The following MTF2 variants were observed in gnomAD, a reference collection of about 807,000 sequenced individuals.
MTF2 encodes metal-response element-binding transcription factor 2.
MTF2 carries 11 observed loss-of-function variants against 79.5 expected under a neutral mutation model. The observed-to-expected ratio is 0.14, with a 90% CI of 0.09 to 0.23. The LOEUF (loss-of-function observed/expected upper bound fraction) is 0.23. MTF2 is among the 10% of genes least tolerant of loss of function. MTF2 has a pLI of 1.00. For synonymous variants in MTF2, 208 were observed against 232.8 expected, an observed-to-expected ratio of 0.89 and a Z score of 0.97; for missense variants, 486 against 711.2, an observed-to-expected ratio of 0.68 and a Z score of 3.60.
rs1557553226 is a variant in MTF2, at chr1:93,115,093, A to G, written c.483+5A>G. On this transcript the variant is annotated splice_donor_5th_base_variant and intron_variant, in intron 5 of 14. Transcript: ENST00000370298. Reference sequence around the variant, plus strand: ...GTTTTTGCAACAACAACAAAGGTATATTTTAAGTGTTTTGGGCTAAAGCTC... The same window carrying G: ...GTTTTTGCAACAACAACAAAGGTATGTTTTAAGTGTTTTGGGCTAAAGCTC... 6.3e-7 allele frequency: 1 copy of G among 1,580,740 alleles called. No homozygotes were observed. The highest frequency in any genetic ancestry group is 8.7e-7 in the Non-Finnish European group (1 of 1,151,476).
In MTF2 at chr1:93,133,758, C is replaced by T; in HGVS notation, c.1216C>T (p.Pro406Ser). 6.2e-7 allele frequency: 1 copy of T among 1,612,650 alleles called. No homozygotes were observed. Among genetic ancestry groups the T allele is most frequent in the African/African-American group, 1.3e-5 (1 of 74,970 alleles). The change falls in exon 12 of 15, where the codon CCT (proline) becomes TCT (serine). Residue 406 changes from proline to serine, a missense_variant. This residue lies in a region of MTF2 where 209 missense variants were observed against 206.5 expected (regional missense o/e 1.01). Coordinates refer to ENST00000370298, the MANE Select transcript of MTF2 (RefSeq NM_007358.4). ...KGKKKSVGRP[P>S]GPYTRKMIQK... ...AAAGAAAAAATCTGTAGGTCGTCCA[C>T]CTGGCCCATATACAAGAAAAATGAT...
At chr1:93,124,208 A>G (rs929277753) in intron 9 of MTF2, among the ~76,000 whole-genome samples, 4 of 152,028 alleles carry the variant, frequency 2.6e-5, no homozygotes, top group Non-Finnish European at 4.4e-5. Flanking sequence ...TGATTATCAT[A>G]TAGATTGAGT....
At chr1:93,094,755 C>G (rs1655212425) in intron 1 of MTF2, among the ~76,000 whole-genome samples, 1 of 152,140 alleles carries the variant, frequency 6.6e-6, no homozygotes, top group Non-Finnish European at 1.5e-5. Context: ...GTTTCTCTTG[C>G]TGTGCTCTTA....
intron 11 of MTF2, among the ~76,000 whole-genome samples, chr1:93,131,155 T>C (rs1181451255): frequency 1.3e-5 from 2 of 151,944 alleles, no homozygotes; most frequent in Non-Finnish European, 2.9e-5. Context: ...TGTCCTGATA[T>C]CATTTATAAA....
intron 10 of MTF2, 73 bp downstream of exon 10, chr1:93,127,372 A>G: frequency 1.0e-6 from 1 of 986,364 alleles, no homozygotes; most frequent in Non-Finnish European, 1.6e-6. Context: ...GCATTGTTTA[A>G]GAATTGTGGG....
intron 1 of MTF2, among the ~76,000 whole-genome samples, chr1:93,105,862 G>A (rs1268829351): frequency 6.6e-6 from 1 of 152,134 alleles, no homozygotes; most frequent in Non-Finnish European, 1.5e-5. Flanking sequence ...TTTAAGTAGA[G>A]ACGTGGTTTG....
chr1:93,096,388 A>G (rs1655287558), intron 1 of MTF2, among the ~76,000 whole-genome samples: 1 of 152,148 alleles, frequency 6.6e-6, no homozygotes, highest in Non-Finnish European at 1.5e-5. Flanking sequence ...TCACTTCCAA[A>G]CCAGATTTTC....
chr1:93,111,340 C>T (rs1299787863), intron 3 of MTF2, among the ~76,000 whole-genome samples: 2 of 152,054 alleles, frequency 1.3e-5, no homozygotes, highest in African/African-American at 4.8e-5. Flanking sequence ...TTTCCTTTTG[C>T]TGGGTTAATA....
intron 9 of MTF2, among the ~76,000 whole-genome samples, chr1:93,125,628 A>C (rs542451201): frequency 6.6e-6 from 1 of 151,964 alleles, no homozygotes; most frequent in Non-Finnish European, 1.5e-5. Flanking sequence ...TTAGCCATAA[A>C]CACAAACAGT....
intron 1 of MTF2, among the ~76,000 whole-genome samples, chr1:93,107,854 C>A (rs1188714288): frequency 6.6e-6 from 1 of 152,136 alleles, no homozygotes; most frequent in Non-Finnish European, 1.5e-5. Context: ...AATCACAGCT[C>A]ACTGCAGTCT....
At chr1:93,105,100 C>T (rs1047527717) in intron 1 of MTF2, among the ~76,000 whole-genome samples, 25 of 147,858 alleles carry the variant, frequency 1.7e-4, no homozygotes, top group South Asian at 6.4e-4. Context: ...GCCGAGATAG[C>T]GCCACTGCAC....
chr1:93,116,325 G>T (rs529676473), intron 6 of MTF2, among the ~76,000 whole-genome samples: 1 of 152,108 alleles, frequency 6.6e-6, no homozygotes, highest in African/African-American at 2.4e-5. Context: ...GCCTGGAGTA[G>T]CATTTTTATT....
At chr1:93,103,111 G>A (rs1464464534) in intron 1 of MTF2, among the ~76,000 whole-genome samples, 2 of 151,536 alleles carry the variant, frequency 1.3e-5, no homozygotes, top group African/African-American at 4.8e-5. Context: ...CAGCCTGGGT[G>A]ACACAGTGAG....
At chr1:93,113,594 T>C (rs1449236430) in intron 3 of MTF2, among the ~76,000 whole-genome samples, 2 of 152,232 alleles carry the variant, frequency 1.3e-5, no homozygotes, top group African/African-American at 4.8e-5. Context: ...AGTTACAATT[T>C]TGAAATGAAA....
At chr1:93,126,147 G>A (rs922830378) in intron 9 of MTF2, among the ~76,000 whole-genome samples, 1 of 104,150 alleles carries the variant, frequency 9.6e-6, no homozygotes, top group African/African-American at 2.6e-5. Flanking sequence ...TACCTAACTC[G>A]TATTTAACAT....
intron 1 of MTF2, among the ~76,000 whole-genome samples, chr1:93,089,490 A>G (rs1189362666): frequency 6.6e-6 from 1 of 152,180 alleles, no homozygotes; most frequent in Non-Finnish European, 1.5e-5. Context: ...TCAAAATGCA[A>G]ATTCCACTTG....
rs752007746 is a variant in MTF2 at position 93,118,342 on chromosome 1, T to C, written c.633-3T>C. On this transcript the variant is annotated splice_polypyrimidine_tract_variant and splice_region_variant and intron_variant, in intron 6 of 14. Transcript: ENST00000370298. The stretch of plus-strand genomic sequence containing the variant: ...GTGTTAACTTTTTTGTTTTTTTTAA[T>C]AGCTGGTATTTGAAGATGCTACAGT... The C allele has an allele frequency of 3.2e-6, 5 of 1,564,538 alleles. No individual in the cohort carries two copies. Among genetic ancestry groups the C allele is most frequent in the Admixed American group, 1.9e-5 (1 of 52,370 alleles).
rs1277007961 is a variant in MTF2, at chr1:93,136,750, G to A, written c.1505G>A (p.Arg502His). 12 of 1,614,004 alleles carry A rather than the reference G, an allele frequency of 7.4e-6. No individual in the cohort carries two copies. In the East Asian group the frequency reaches 8.9e-5, roughly 12 times the overall value. The change falls in exon 15 of 15, where the codon CGT becomes CAT. Residue 502 changes from arginine (R) to histidine (H), a missense_variant. Arg to His is a conservative substitution (Grantham distance 29). This residue lies in a region of MTF2 where 209 missense variants were observed against 206.5 expected (regional missense o/e 1.01). Coordinates refer to ENST00000370298, the MANE Select transcript of MTF2 (RefSeq NM_007358.4). ...AIPHLRRRRG[R>H]LPRRALQTQN... ...CCACATTTGCGGAGAAGAAGAGGTC[G>A]TCTTCCAAGAAGAGCACTCCAGACT...
In MTF2 at chr1:93,115,556, A is replaced by G; in HGVS notation, c.570A>G (p.Glu190=). The G allele has an allele frequency of 6.2e-7, 1 of 1,612,102 alleles. No homozygotes were observed. Among genetic ancestry groups the G allele is most frequent in the Non-Finnish European group, 8.5e-7 (1 of 1,179,136 alleles). ...QTLPYSVADL[E]WDAGHKTNVQ... Reference sequence around the variant, plus strand: ...TACCCTATAGTGTGGCAGACCTTGAATGGGATGCAGGTCATAAAACCAATG... The same window carrying G: ...TACCCTATAGTGTGGCAGACCTTGAGTGGGATGCAGGTCATAAAACCAATG... Residue 190 remains glutamate, a synonymous_variant, in exon 6 of 15, where the codon GAA becomes GAG. Transcript: ENST00000370298.
Sources: allele counts gnomAD v4.1 joint callset (sites outside exome capture counted in the v4.1 genomes callset), GRCh38; gene constraint gnomAD v4.1.1; regional missense constraint gnomAD v4.1.1; transcripts MANE v1.5; gene names NCBI Gene and HGNC (gene_info 2026-07-23, HGNC 2026-07-21).